AIDA: variants seen among roughly 807,000 people sequenced by gnomAD.
AIDA encodes axin interactor, dorsalization associated.
AIDA carries 18 observed loss-of-function variants against 42.7 expected under a neutral mutation model. That is an observed-to-expected ratio of 0.42 (90% CI 0.29 to 0.63). The LOEUF (loss-of-function observed/expected upper bound fraction) is 0.63, where lower values mean the gene tolerates loss of function less well. Ranked by LOEUF, AIDA falls within the 20% of genes least tolerant of loss-of-function variation. The pLI, the probability that AIDA is intolerant of heterozygous loss-of-function variation, is 0.19. For missense variants in AIDA, 250 were observed against 354.1 expected (o/e 0.71, Z 2.36); for synonymous variants, 104 against 122.9 (o/e 0.85, Z 1.02).
At chr1:222,700,672 G>T (rs913520392) in intron 2 of AIDA, among the ~76,000 whole-genome samples, 4 of 151,512 alleles carry the variant, frequency 2.6e-5, no homozygotes, top group African/African-American at 4.8e-5. Flanking sequence ...GGAGAATGGC[G>T]TGAACCCGGG....
At chr1:222,673,864 AC>A (rs993565842) in intron 7 of AIDA, among the ~76,000 whole-genome samples, 1 of 151,956 alleles carries the variant, frequency 6.6e-6, no homozygotes, top group African/African-American at 2.4e-5. Flanking sequence ...CGGGTGGATC[AC>A]TTAAGGTCAG....
chr1:222,695,982 A>G (rs1203312455), intron 2 of AIDA, among the ~76,000 whole-genome samples: 1 of 152,184 alleles, frequency 6.6e-6, no homozygotes, highest in East Asian at 1.9e-4. Flanking sequence ...ATCTACAATA[A>G]ACGGCGATAC....
chr1:222,683,340 T>G (rs1361482510), intron 6 of AIDA, among the ~76,000 whole-genome samples: 2 of 152,190 alleles, frequency 1.3e-5, no homozygotes, highest in African/African-American at 4.8e-5. Context: ...CTTTCTTACA[T>G]GTGTGTTAGC....
chr1:222,692,702 A>G (rs1033447066), intron 4 of AIDA, among the ~76,000 whole-genome samples: 1 of 152,196 alleles, frequency 6.6e-6, no homozygotes, highest in Non-Finnish European at 1.5e-5. Context: ...GTGTTACTAT[A>G]AAAGATAGGA....
At chr1:222,698,448 A>ATTTTTT (rs36041357) in intron 2 of AIDA, among the ~76,000 whole-genome samples, 8 of 127,374 alleles carry the variant, frequency 6.3e-5, no homozygotes, top group Non-Finnish European at 1.2e-4. Context: ...TTATTCATCA[A>ATTTTTT]TTTTTTTTTT....
intron 6 of AIDA, among the ~76,000 whole-genome samples, chr1:222,683,140 T>C (rs983971182): frequency 9.8e-5 from 15 of 152,334 alleles, no homozygotes; most frequent in Non-Finnish European, 5.9e-5. Context: ...TTAGGGGCCA[T>C]TATCATTGAA....
At chr1:222,671,461 G>A (rs1664447935) in intron 8 of AIDA, among the ~76,000 whole-genome samples, 1 of 152,196 alleles carries the variant, frequency 6.6e-6, no homozygotes, top group Non-Finnish European at 1.5e-5. Flanking sequence ...CAGGAGCTTG[G>A]CTTGCAAAGA....
intron 2 of AIDA, among the ~76,000 whole-genome samples, chr1:222,700,946 G>A (rs1301308322): frequency 7.5e-6 from 1 of 133,480 alleles, no homozygotes; most frequent in African/African-American, 2.8e-5. Flanking sequence ...ATCATTATAC[G>A]ATAGACTCAT....
intron 9 of AIDA, 35 bp downstream of exon 9, chr1:222,670,098 C>A: frequency 6.2e-7 from 1 of 1,607,772 alleles, no homozygotes. Context: ...TAGTCACCAT[C>A]AAATTAGTAC....
intron 4 of AIDA, among the ~76,000 whole-genome samples, chr1:222,689,522 C>T (rs866674472): frequency 0.049 from 2,785 of 56,980 alleles, 54 homozygotes; most frequent in Non-Finnish European, 0.073. Flanking sequence ...TATATATATA[C>T]ACACATACAC....
chr1:222,685,930 CAGGTGGATCACCTGAGGT>C (rs1448018122), intron 6 of AIDA, among the ~76,000 whole-genome samples: 1 of 152,182 alleles, frequency 6.6e-6, no homozygotes, highest in Non-Finnish European at 1.5e-5. Flanking sequence ...GAGGCTGAGG[CAGGTGGATCACCTGAGGT>C]CAGGAGTTCG....
chr1:222,698,952 A>C (rs1655601197), intron 2 of AIDA, among the ~76,000 whole-genome samples: 1 of 151,856 alleles, frequency 6.6e-6, no homozygotes, highest in African/African-American at 2.4e-5. Flanking sequence ...CAGCCTCCCG[A>C]GTAGCTGGGA....
chr1:222,672,685 G>A (rs1180678811), intron 8 of AIDA, among the ~76,000 whole-genome samples: 1 of 152,188 alleles, frequency 6.6e-6, no homozygotes, highest in Non-Finnish European at 1.5e-5. Flanking sequence ...TATTTCAGAC[G>A]CCGAGGCAAT....
chr1:222,698,541 T>C (rs1199993693), intron 2 of AIDA, among the ~76,000 whole-genome samples: 1 of 149,404 alleles, frequency 6.7e-6, no homozygotes, highest in Non-Finnish European at 1.5e-5. Context: ...AACCTCTGCC[T>C]CCCAGATTCA....
chr1:222,678,205 GT>G (rs1262960179), intron 6 of AIDA, among the ~76,000 whole-genome samples: 1 of 95,914 alleles, frequency 1.0e-5, no homozygotes, highest in Admixed American at 8.5e-5. Context: ...CTTGGGGTGT[GT>G]GTGTGTGTGT....
At chr1:222,700,559 T>C (rs1655662057) in intron 2 of AIDA, among the ~76,000 whole-genome samples, 1 of 152,022 alleles carries the variant, frequency 6.6e-6, no homozygotes, top group South Asian at 2.1e-4. Context: ...AGATCGAGAC[T>C]ATCCTGGCTA....
rs1453795932 is a variant in AIDA, at chr1:222,703,130, G to C, written c.180+18C>G. ...TTTTGTTTGGAATCTGATATATCTA[G>C]AGATTATTTTATGGTACCTTTTGTT... On this transcript the variant is annotated intron_variant, in intron 2 of 9. Transcript: ENST00000340020. 1 of 1,584,698 alleles carries C rather than the reference G, an allele frequency of 6.3e-7. No homozygotes were observed. Among genetic ancestry groups the C allele is most frequent in the South Asian group, 1.2e-5 (1 of 86,410 alleles).
intron 7 of AIDA, 128 bp from the exon 8 acceptor site, chr1:222,673,563 T>C (rs1470332849): frequency 1.8e-6 from 1 of 563,058 alleles, no homozygotes; most frequent in African/African-American, 2.0e-5. Context: ...GATGACAAGG[T>C]CAGGAGATCA....
chr1:222,673,683 C>A (rs745867211), intron 7 of AIDA, among the ~76,000 whole-genome samples: 6 of 151,942 alleles, frequency 3.9e-5, no homozygotes, highest in Admixed American at 6.6e-5. Flanking sequence ...GAGGCTCAGG[C>A]AGGAGAATGG....
Sources: gnomAD v4.1 joint callset for allele counts (sites outside exome capture counted in the v4.1 genomes callset) on GRCh38, gnomAD v4.1.1 for gene constraint, MANE v1.5 for transcripts, NCBI Gene and HGNC (gene_info 2026-07-23, HGNC 2026-07-21) for gene names.